ADGRA3: variants seen among roughly 807,000 people sequenced by gnomAD.
The protein encoded by ADGRA3 is G-protein coupled receptor 125.
In ADGRA3, 56 loss-of-function variants were observed where a neutral mutation model predicts 119.8. That is an observed-to-expected ratio of 0.47 (90% CI 0.38 to 0.58). The LOEUF (loss-of-function observed/expected upper bound fraction) is 0.58. Ranked by LOEUF, ADGRA3 falls within the 20% of genes least tolerant of loss-of-function variation. The probability of loss-of-function intolerance (pLI) is 0.00; values close to 1 mark genes in which losing one functional copy is unlikely to be tolerated. For missense variants in ADGRA3, 1,516 were observed against 1,649.0 expected, an observed-to-expected ratio of 0.92 and a Z score of 1.40; for synonymous variants, 607 against 623.8, an observed-to-expected ratio of 0.97 and a Z score of 0.40.
At chr4:22,406,012 A>C (rs1351344925) in intron 14 of ADGRA3, among the ~76,000 whole-genome samples, 1 of 151,694 alleles carries the variant, frequency 6.6e-6, no homozygotes, top group Non-Finnish European at 1.5e-5. Flanking sequence ...TCTCCTTTCT[A>C]CCTCCATGAG....
At chr4:22,445,926 A>T (rs1158536282) in intron 5 of ADGRA3, among the ~76,000 whole-genome samples, 1 of 152,252 alleles carries the variant, frequency 6.6e-6, no homozygotes, top group Non-Finnish European at 1.5e-5. Flanking sequence ...CTAAGCACTG[A>T]CTATTCATGT....
chr4:22,457,926 A>C (rs1279340265), intron 3 of ADGRA3, among the ~76,000 whole-genome samples: 1 of 152,236 alleles, frequency 6.6e-6, no homozygotes. Context: ...ATATCTCAGC[A>C]TAGAGATAAA....
intron 14 of ADGRA3, among the ~76,000 whole-genome samples, chr4:22,403,130 A>G (rs1472575075): frequency 1.3e-5 from 2 of 152,062 alleles, no homozygotes; most frequent in Non-Finnish European, 2.9e-5. Context: ...CATCCTTTTC[A>G]ATGCCCTTTA....
chr4:22,479,399 C>T (rs1342267727), intron 1 of ADGRA3, among the ~76,000 whole-genome samples: 1 of 151,352 alleles, frequency 6.6e-6, no homozygotes, highest in East Asian at 1.9e-4. Context: ...GGAGGCGGAG[C>T]TTGCAGTGAG....
chr4:22,430,537 G>A (rs1233030115), intron 10 of ADGRA3, among the ~76,000 whole-genome samples: 1 of 152,158 alleles, frequency 6.6e-6, no homozygotes, highest in Non-Finnish European at 1.5e-5. Context: ...GTATCTGACA[G>A]AAGAAATTTC....
In ADGRA3 at chr4:22,493,970, C is replaced by T. The variant is rs1022183075; in HGVS notation, c.258-20127G>A. On this transcript the variant is annotated intron_variant, in intron 1 of 18. Coordinates refer to ENST00000334304, the MANE Select transcript of ADGRA3 (RefSeq NM_145290.4). Reference sequence around the variant, plus strand: ...CTATAATCCCAGCACTTTGGGAGGCCGAGGCGGGTGGATCACAAGGTCAGG... The same window carrying T: ...CTATAATCCCAGCACTTTGGGAGGCTGAGGCGGGTGGATCACAAGGTCAGG... Among the ~76,000 whole-genome samples the T allele has an allele frequency of 4.6e-5, 7 of 151,862 alleles. No individual in the cohort carries two copies. The East Asian group carries it at 9.7e-4, about 21-fold the overall frequency.
At chr4:22,496,586 C>A (rs1718833299) in intron 1 of ADGRA3, among the ~76,000 whole-genome samples, 1 of 152,188 alleles carries the variant, frequency 6.6e-6, no homozygotes, top group Admixed American at 6.5e-5. Flanking sequence ...TGGGAGAGCA[C>A]ACTTTGGAAA....
intron 10 of ADGRA3, among the ~76,000 whole-genome samples, chr4:22,431,855 C>T (rs907286196): frequency 3.2e-4 from 48 of 151,958 alleles, no homozygotes; most frequent in Middle Eastern, 3.4e-3. Context: ...TGTTTGGGGT[C>T]TTTATTTGGA....
At chr4:22,503,575 GGC>G (rs1398895162) in intron 1 of ADGRA3, among the ~76,000 whole-genome samples, 4 of 152,068 alleles carry the variant, frequency 2.6e-5, no homozygotes, top group African/African-American at 9.7e-5. Context: ...CACAATACAA[GGC>G]CATGGCAGCA....
intron 14 of ADGRA3, among the ~76,000 whole-genome samples, chr4:22,410,518 C>A (rs2109019708): frequency 6.6e-6 from 1 of 151,996 alleles, no homozygotes; most frequent in East Asian, 1.9e-4. Flanking sequence ...CTCTTAAAAT[C>A]AGATAAAGGA....
At chr4:22,514,162 G>C (rs140166942) in intron 1 of ADGRA3, among the ~76,000 whole-genome samples, 1 of 152,200 alleles carries the variant, frequency 6.6e-6, no homozygotes, top group African/African-American at 2.4e-5. Flanking sequence ...AATTTTTGCA[G>C]AGTAACAAAG....
At chr4:22,461,166 G>A (rs1175387070) in intron 3 of ADGRA3, among the ~76,000 whole-genome samples, 1 of 152,130 alleles carries the variant, frequency 6.6e-6, no homozygotes, top group Non-Finnish European at 1.5e-5. Flanking sequence ...TTTGAAAATC[G>A]TCTACAGATT....
At chr4:22,425,260 CTCAATGAA>C (rs1312206186) in intron 10 of ADGRA3, among the ~76,000 whole-genome samples, 2 of 152,156 alleles carry the variant, frequency 1.3e-5, no homozygotes, top group East Asian at 3.9e-4. Context: ...TTCCTCCCAA[CTCAATGAA>C]TGCTTTTAAG....
chr4:22,389,187 G>T lies in ADGRA3; in HGVS notation c.2628-4C>A, dbSNP rs1202219310. 1 of 1,603,258 alleles carries T rather than the reference G, an allele frequency of 6.2e-7. No homozygotes were observed. The highest frequency in any genetic ancestry group is 2.2e-5 in the East Asian group (1 of 44,794). The stretch of plus-strand genomic sequence containing the variant: ...ACCACCACCAATCAGGTAAAATCTA[G>T]AAGGAGGAATCACAGGAAAAACCAC... On this transcript the variant is annotated splice_region_variant and splice_polypyrimidine_tract_variant and intron_variant, in intron 17 of 18. Coordinates refer to ENST00000334304, the MANE Select transcript of ADGRA3 (RefSeq NM_145290.4).
At chr4:22,424,412 G>C (rs1169763882) in intron 10 of ADGRA3, 60 bp from the exon 11 acceptor site, 3 of 1,548,700 alleles carry the variant, frequency 1.9e-6, no homozygotes, top group East Asian at 2.3e-5. Flanking sequence ...CTATTTCGTA[G>C]AATCAAAATC....
chr4:22,495,514 C>T lies in ADGRA3; in HGVS notation c.257+20014G>A, dbSNP rs536331188. 6.4e-4 allele frequency among the ~76,000 whole-genome samples: 97 copies of T among 152,000 alleles called. 4 individuals carry two copies. Among genetic ancestry groups the T allele is most frequent in the African/African-American group, 2.2e-3 (90 of 41,390 alleles). ...GGGGGACTACCATTTTGGAAATAGA[C>T]AAAAAAGGAAAACAAACAAGGACTT... On this transcript the variant is annotated intron_variant, in intron 1 of 18. Transcript: ENST00000334304.
intron 1 of ADGRA3, among the ~76,000 whole-genome samples, chr4:22,503,652 TA>T (rs1264350436): frequency 2.0e-4 from 26 of 131,086 alleles, no homozygotes; most frequent in Non-Finnish European, 2.7e-4. Context: ...GACACCTCAA[TA>T]GAACTGACAT....
At chr4:22,504,247 A>G (rs1457556737) in intron 1 of ADGRA3, among the ~76,000 whole-genome samples, 1 of 152,152 alleles carries the variant, frequency 6.6e-6, no homozygotes, top group Non-Finnish European at 1.5e-5. Flanking sequence ...AAGAAAAAAA[A>G]AGACAAAAAA....
intron 2 of ADGRA3, among the ~76,000 whole-genome samples, chr4:22,463,096 C>T (rs1717529962): frequency 6.6e-6 from 1 of 152,186 alleles, no homozygotes; most frequent in Non-Finnish European, 1.5e-5. Flanking sequence ...TGCTCATCTC[C>T]CAGGGAAGCT....
Sources: gnomAD v4.1 joint callset for allele counts (sites outside exome capture counted in the v4.1 genomes callset) on GRCh38, gnomAD v4.1.1 for gene constraint, MANE v1.5 for transcripts, NCBI Gene and HGNC (gene_info 2026-07-23, HGNC 2026-07-21) for gene names.